PTPRD: variants seen among roughly 807,000 people sequenced by gnomAD.
The protein encoded by PTPRD is protein tyrosine phosphatase receptor type D.
PTPRD carries 34 observed loss-of-function variants against 214.5 expected under a neutral mutation model. The observed-to-expected ratio is 0.16, with a 90% CI of 0.12 to 0.21. The LOEUF is 0.21. PTPRD is among the 10% of genes least tolerant of loss of function. PTPRD has a pLI of 1.00. For missense variants in PTPRD, 2,545 were observed against 2,398.7 expected (o/e 1.06, Z -1.27); for synonymous variants, 1,128 against 845.7 (o/e 1.33, Z -5.79).
chr9:10,414,327 C>G (rs1263144235), intron 2 of PTPRD, among the ~76,000 whole-genome samples: 1 of 151,874 alleles, frequency 6.6e-6, no homozygotes, highest in Non-Finnish European at 1.5e-5. Flanking sequence ...GGCCAACAAG[C>G]ACATGAAAAA....
intron 7 of PTPRD, among the ~76,000 whole-genome samples, chr9:9,686,133 T>C (rs575429400): frequency 3.3e-5 from 5 of 151,290 alleles, no homozygotes; most frequent in Non-Finnish European, 7.4e-5. Context: ...GGATTTTTGT[T>C]GTTGCTGTTG....
At position 9,923,485 on chromosome 9, in the gene PTPRD, A is replaced by T. The variant is rs191045540; in HGVS notation, c.-368+15022T>A. Among the ~76,000 whole-genome samples, 951 of 129,892 alleles carry T rather than the reference A, an allele frequency of 7.3e-3. 9 individuals are homozygous for T. The highest frequency in any genetic ancestry group is 0.022 in the Middle Eastern group (5 of 228). 85.2% of individuals were successfully genotyped at this position (129,892 alleles called of 152,430 possible). ...TATAGAAGAAAATTTCTGAGCACACACAAAAAAATCGATCTCCAAACGAAA... is the reference window on the plus strand; with the variant it reads ...TATAGAAGAAAATTTCTGAGCACACTCAAAAAAATCGATCTCCAAACGAAA... On this transcript the variant is annotated intron_variant, in intron 5 of 45. Coordinates refer to ENST00000381196, the MANE Select transcript of PTPRD (RefSeq NM_002839.4).
intron 12 of PTPRD, among the ~76,000 whole-genome samples, chr9:8,664,875 G>A (rs2097140390): frequency 6.6e-6 from 1 of 152,110 alleles, no homozygotes; most frequent in South Asian, 2.1e-4. Flanking sequence ...GCTTAAGAAG[G>A]GAAGAATTAA....
chr9:9,637,170 C>A (rs1229348770), intron 7 of PTPRD, among the ~76,000 whole-genome samples: 1 of 152,112 alleles, frequency 6.6e-6, no homozygotes, highest in Non-Finnish European at 1.5e-5. Flanking sequence ...AGCACTCCAC[C>A]CCAGAACCCC....
intron 10 of PTPRD, among the ~76,000 whole-genome samples, chr9:9,119,544 T>A (rs2154461964): frequency 6.6e-6 from 1 of 152,262 alleles, no homozygotes; most frequent in African/African-American, 2.4e-5. Context: ...TGATTTTTTT[T>A]TTTTTTAAGA....
intron 11 of PTPRD, among the ~76,000 whole-genome samples, chr9:8,934,836 T>G (rs72706272): frequency 0.014 from 2,146 of 152,008 alleles, 40 homozygotes; most frequent in African/African-American, 0.043. Flanking sequence ...GCTTTTTGGA[T>G]TCCATACGTA....
At chr9:10,541,512 T>G (rs1296480134) in intron 2 of PTPRD, among the ~76,000 whole-genome samples, 1 of 151,480 alleles carries the variant, frequency 6.6e-6, no homozygotes, top group Non-Finnish European at 1.5e-5. Context: ...GCAGTGAGTG[T>G]ATTTTCCGAT....
At chr9:9,128,571 G>A (rs2099837710) in intron 10 of PTPRD, among the ~76,000 whole-genome samples, 2 of 152,162 alleles carry the variant, frequency 1.3e-5, no homozygotes, top group Middle Eastern at 3.2e-3. Flanking sequence ...ACAGATTTGG[G>A]GGCTGTAAGT....
At chr9:8,433,204 G>A (rs1205817200) in intron 35 of PTPRD, among the ~76,000 whole-genome samples, 4 of 152,110 alleles carry the variant, frequency 2.6e-5, no homozygotes, top group African/African-American at 7.2e-5. Context: ...GGTAGCTGTC[G>A]TAACGTCCTA....
chr9:8,585,543 C>T (rs1303514690), intron 14 of PTPRD, among the ~76,000 whole-genome samples: 3 of 152,274 alleles, frequency 2.0e-5, no homozygotes, highest in African/African-American at 7.2e-5. Flanking sequence ...TCATTTGGGT[C>T]ACATTAATGG....
intron 11 of PTPRD, among the ~76,000 whole-genome samples, chr9:8,814,219 T>C (rs1246855285): frequency 6.6e-6 from 1 of 152,334 alleles, no homozygotes. Context: ...GCCCTCCCTA[T>C]AGCCAGAAAG....
At chr9:9,260,149 A>C (rs2132071468) in intron 9 of PTPRD, among the ~76,000 whole-genome samples, 1 of 152,034 alleles carries the variant, frequency 6.6e-6, no homozygotes, top group South Asian at 2.1e-4. Context: ...TATGTACATA[A>C]CATTATCTTA....
chr9:9,880,782 T>C (rs975964346), intron 5 of PTPRD, among the ~76,000 whole-genome samples: 10 of 152,298 alleles, frequency 6.6e-5, no homozygotes, highest in African/African-American at 2.4e-4. Context: ...CAAGCATGTA[T>C]TTCTATTGAT....
intron 34 of PTPRD, among the ~76,000 whole-genome samples, chr9:8,440,319 ATT>A (rs34426609): frequency 8.1e-4 from 118 of 145,930 alleles, no homozygotes; most frequent in East Asian, 2.6e-3. Flanking sequence ...GAAATGTATT[ATT>A]TTTTTTTTTT....
chr9:9,141,180 C>T (rs1031525918), intron 10 of PTPRD, among the ~76,000 whole-genome samples: 4 of 144,330 alleles, frequency 2.8e-5, no homozygotes, highest in Non-Finnish European at 6.1e-5. Flanking sequence ...TTCTCTCTCT[C>T]TCTCTGTCTC....
intron 8 of PTPRD, among the ~76,000 whole-genome samples, chr9:9,468,669 TAA>T (rs2094388606): frequency 6.6e-6 from 1 of 152,132 alleles, no homozygotes; most frequent in African/African-American, 2.4e-5. Flanking sequence ...TAGTTCAAAA[TAA>T]GTGATATTTT....
chr9:8,848,190 C>G (rs1408277548), intron 11 of PTPRD, among the ~76,000 whole-genome samples: 2 of 151,624 alleles, frequency 1.3e-5, no homozygotes, highest in African/African-American at 4.8e-5. Flanking sequence ...GTCATCGAAT[C>G]AAAACCCCTT....
chr9:9,942,432 A>T (rs1426964942), intron 4 of PTPRD, among the ~76,000 whole-genome samples: 1 of 152,156 alleles, frequency 6.6e-6, no homozygotes, highest in Non-Finnish European at 1.5e-5. Context: ...CCCTTTACCT[A>T]TTAAAGAGTT....
chr9:9,654,928 A>T (rs1319309996), intron 7 of PTPRD, among the ~76,000 whole-genome samples: 1 of 152,176 alleles, frequency 6.6e-6, no homozygotes, highest in African/African-American at 2.4e-5. Context: ...AGCTTTTGAA[A>T]GTAAAATATG....
Sources: gnomAD v4.1 joint callset for allele counts (sites outside exome capture counted in the v4.1 genomes callset) on GRCh38, gnomAD v4.1.1 for gene constraint, MANE v1.5 for transcripts, NCBI Gene and HGNC (gene_info 2026-07-23, HGNC 2026-07-21) for gene names.